SRPK1: variants seen among roughly 807,000 people sequenced by gnomAD.
SRPK1 encodes the protein SRSF protein kinase 1.
Under a neutral mutation model 89.5 loss-of-function variants are expected in SRPK1, and 52 were observed. The ratio of observed to expected loss-of-function variants is 0.58; its 90% CI spans 0.46 to 0.73. The LOEUF (loss-of-function observed/expected upper bound fraction) is 0.73, where lower values mean the gene tolerates loss of function less well. Ranked by LOEUF, SRPK1 falls within the 30% of genes least tolerant of loss-of-function variation. The pLI is 0.00. For missense variants in SRPK1, 603 were observed against 780.6 expected (o/e 0.77, Z 2.71); for synonymous variants, 255 against 270.2 (o/e 0.94, Z 0.55).
chr6:35,889,964 C>A (rs902472786), intron 3 of SRPK1, among the ~76,000 whole-genome samples: 1 of 151,358 alleles, frequency 6.6e-6, no homozygotes, highest in African/African-American at 2.4e-5. Flanking sequence ...AAAAATTAGC[C>A]GGGTATGGTG....
At chr6:35,884,269 C>A (rs907437074) in intron 6 of SRPK1, among the ~76,000 whole-genome samples, 1 of 152,106 alleles carries the variant, frequency 6.6e-6, no homozygotes, top group East Asian at 1.9e-4. Flanking sequence ...GAGAAACCAA[C>A]TGTCCTCCTT....
intron 9 of SRPK1, 150 bp downstream of exon 9, chr6:35,870,784 T>C (rs1025080281): frequency 1.8e-5 from 13 of 740,352 alleles, no homozygotes; most frequent in Non-Finnish European, 2.6e-5. Flanking sequence ...TGAAGGTGCA[T>C]GGGAATTTAC....
At position 35,835,315 on chromosome 6, in the gene SRPK1, G is replaced by C; in HGVS notation, c.1957C>G (p.Leu653Val). The change falls in exon 16 of 16, where the codon CTT (leucine) becomes GTT (valine). Residue 653 changes from leucine (L) to valine (V), a missense_variant. Leu to Val is a conservative substitution (Grantham distance 32, BLOSUM62 1). Transcript: ENST00000373825. ...TGCTGGGCAGGGGCTTAGGAGTTAA[G>C]CCAAGGGTGCCGGAGACACTCGGCG... Reference protein sequence around the residue: ...TAAECLRHPWLNS With the variant: ...TAAECLRHPWVNS 6.2e-7 allele frequency: 1 copy of C among 1,613,274 alleles called. No homozygotes were observed. The highest frequency in any genetic ancestry group is 2.2e-5 in the East Asian group (1 of 44,880).
intron 2 of SRPK1, among the ~76,000 whole-genome samples, chr6:35,896,177 G>C (rs1046543732): frequency 3.9e-5 from 6 of 152,170 alleles, no homozygotes; most frequent in Admixed American, 6.5e-5. Flanking sequence ...CACTGGAAAC[G>C]GGGGAGAGGC....
Position 35,870,973 on chromosome 6 carries a change from A to G in SRPK1, c.752-14T>C. Reference sequence around the variant, plus strand: ...GAGCAGTACTGACTGAAAAGAAAAGAAAACCAAGTAAGAATTCTGGCATTC... The same window carrying G: ...GAGCAGTACTGACTGAAAAGAAAAGGAAACCAAGTAAGAATTCTGGCATTC... On this transcript the variant is annotated splice_polypyrimidine_tract_variant and intron_variant, in intron 8 of 15. Coordinates refer to ENST00000373825, the MANE Select transcript of SRPK1 (RefSeq NM_003137.5). 1 of 1,606,178 alleles carries G rather than the reference A, an allele frequency of 6.2e-7. No individual in the cohort carries two copies. The highest frequency in any genetic ancestry group is 2.2e-5 in the East Asian group (1 of 44,802).
At chr6:35,874,062 C>T (rs1377014488) in intron 7 of SRPK1, among the ~76,000 whole-genome samples, 171 bp downstream of exon 7, 4 of 138,870 alleles carry the variant, frequency 2.9e-5, no homozygotes, top group Admixed American at 7.2e-5. Context: ...CTCCTGACCT[C>T]GTGATCTGCC....
intron 6 of SRPK1, among the ~76,000 whole-genome samples, chr6:35,878,128 G>A (rs1042420339): frequency 2.0e-5 from 3 of 152,166 alleles, no homozygotes; most frequent in African/African-American, 7.2e-5. Context: ...TTTTTGCAAT[G>A]AATCAACAAA....
chr6:35,845,901 G>A (rs575722422), intron 13 of SRPK1, among the ~76,000 whole-genome samples: 99 of 152,290 alleles, frequency 6.5e-4, no homozygotes, highest in African/African-American at 2.1e-3. Flanking sequence ...ACCACATTAA[G>A]AAAGGCTGAA....
intron 14 of SRPK1, among the ~76,000 whole-genome samples, chr6:35,840,652 A>C (rs1186929827): frequency 6.6e-6 from 1 of 152,182 alleles, no homozygotes; most frequent in Non-Finnish European, 1.5e-5. Context: ...GACAGATAAA[A>C]TTATCAGGTA....
intron 12 of SRPK1, among the ~76,000 whole-genome samples, chr6:35,862,927 G>A (rs1335008477): frequency 6.6e-6 from 1 of 152,142 alleles, no homozygotes; most frequent in East Asian, 1.9e-4. Flanking sequence ...CACTTTTGGA[G>A]GCTAAGGTGC....
chr6:35,841,808 G>C (rs1000376761), intron 14 of SRPK1, among the ~76,000 whole-genome samples: 4 of 141,846 alleles, frequency 2.8e-5, no homozygotes, highest in Non-Finnish European at 6.0e-5. Flanking sequence ...CTCCAGCCTG[G>C]CGACAGAGTG....
At chr6:35,889,116 T>C (rs1770466623) in intron 3 of SRPK1, among the ~76,000 whole-genome samples, 193 bp from the exon 4 acceptor site, 1 of 152,140 alleles carries the variant, frequency 6.6e-6, no homozygotes, top group Non-Finnish European at 1.5e-5. Context: ...ATTCATGTTA[T>C]TAAAAAAAGT....
rs1189999578 is a variant in SRPK1, at chr6:35,888,827, G to A, written c.290C>T (p.Ser97Leu). Residue 97 changes from serine (S) to leucine (L), a missense_variant, in exon 4 of 16, where the codon TCA becomes TTA. Transcript: ENST00000373825. ...CACTAAAACTTACTGAATATCCCAT[G>A]ATAACCATACTGTTGAAAAGTGTCC... ...GWGHFSTVWL[S>L]WDIQGKKFVA... 3 of 1,605,906 alleles carry A rather than the reference G, an allele frequency of 1.9e-6. No individual in the cohort carries two copies. Among genetic ancestry groups the A allele is most frequent in the Admixed American group, 1.7e-5 (1 of 59,996 alleles).
At chr6:35,911,302 C>T (rs1431587612) in intron 2 of SRPK1, among the ~76,000 whole-genome samples, 1 of 152,152 alleles carries the variant, frequency 6.6e-6, no homozygotes, top group Non-Finnish European at 1.5e-5. Context: ...GAAGTAACTA[C>T]AGATGTGGTA....
At chr6:35,915,200 G>C (rs112978908) in intron 2 of SRPK1, among the ~76,000 whole-genome samples, 1 of 152,046 alleles carries the variant, frequency 6.6e-6, no homozygotes, top group African/African-American at 2.4e-5. Flanking sequence ...TCAGGAGATC[G>C]AGACCATCTC....
chr6:35,870,387 C>T lies in SRPK1; in HGVS notation c.885G>A (p.Glu295=), dbSNP rs1770006582. ...TTGGTCTTTTTTGCCCAGGGCCCGA[C>T]TCTTTCTCCATTTCCTCAATTTCCT... is the stretch of plus-strand genomic sequence containing the variant. ...RMQEIEEMEK[E]SGPGQKRPNK... Residue 295 remains glutamate, a synonymous_variant, in exon 10 of 16, where the codon GAG becomes GAA. Coordinates refer to ENST00000373825, the MANE Select transcript of SRPK1 (RefSeq NM_003137.5). The T allele has an allele frequency of 4.4e-6, 7 of 1,598,478 alleles. No homozygotes were observed. The South Asian group carries it at 7.8e-5, about 18-fold the overall frequency.
Position 35,893,772 on chromosome 6 carries a change from T to C in SRPK1, c.75-2759A>G, listed in dbSNP as rs1274239795. Among the ~76,000 whole-genome samples the C allele has an allele frequency of 2.0e-5, 3 of 152,066 alleles. No homozygotes were observed. The East Asian group carries it at 5.8e-4, about 30-fold the overall frequency. On this transcript the variant is annotated intron_variant, in intron 2 of 15. Coordinates refer to ENST00000373825, the MANE Select transcript of SRPK1 (RefSeq NM_003137.5). ...GGCCAGGCACGGTGGCTAATGCCTA[T>C]AGTCCCAGGACTTTGGGAGGCCGAG...
chr6:35,900,660 A>G (rs1304499070), intron 2 of SRPK1, among the ~76,000 whole-genome samples: 1 of 152,200 alleles, frequency 6.6e-6, no homozygotes, highest in African/African-American at 2.4e-5. Context: ...CTATAGAGAA[A>G]AATTAAGTAG....
At chr6:35,858,124 A>C (rs1220284191) in intron 12 of SRPK1, among the ~76,000 whole-genome samples, 1 of 152,152 alleles carries the variant, frequency 6.6e-6, no homozygotes, top group Non-Finnish European at 1.5e-5. Flanking sequence ...AAAATTTCAA[A>C]TATATACAAA....
Sources: allele counts gnomAD v4.1 joint callset (sites outside exome capture counted in the v4.1 genomes callset), GRCh38; gene constraint gnomAD v4.1.1; transcripts MANE v1.5; gene names NCBI Gene and HGNC (gene_info 2026-07-23, HGNC 2026-07-21).